GREM2: variants seen among roughly 807,000 people sequenced by gnomAD.
GREM2 encodes the protein gremlin 2, DAN family BMP antagonist.
A neutral mutation model predicts 14.2 loss-of-function variants in GREM2; 11 were observed. The observed-to-expected ratio is 0.78, with a 90% confidence interval of 0.49 to 1.28. GREM2 has a LOEUF of 1.28. Ranked by LOEUF, GREM2 falls within the 50% of genes most tolerant of loss-of-function variation. GREM2 has a pLI of 0.00. For synonymous variants in GREM2, 98 were observed against 97.6 expected (o/e 1.00, Z -0.02); for missense variants, 210 against 218.5 (o/e 0.96, Z 0.24).
chr1:240,509,046 T>C (rs1293561924), intron 1 of GREM2, among the ~76,000 whole-genome samples: 1 of 152,244 alleles, frequency 6.6e-6, no homozygotes, highest in East Asian at 1.9e-4. Flanking sequence ...GAAATTTAGA[T>C]CTAACATCTC....
chr1:240,561,523 A>C (rs959318500), intron 1 of GREM2, among the ~76,000 whole-genome samples: 2 of 152,222 alleles, frequency 1.3e-5, no homozygotes, highest in Non-Finnish European at 2.9e-5. Flanking sequence ...TTTTGGTTCC[A>C]TAAATAAGCT....
intron 1 of GREM2, among the ~76,000 whole-genome samples, chr1:240,521,439 G>T (rs74704767): frequency 2.2e-4 from 33 of 149,728 alleles, no homozygotes; most frequent in East Asian, 3.9e-4. Flanking sequence ...GGCATGGTGA[G>T]GGGCGACTGT....
intron 1 of GREM2, among the ~76,000 whole-genome samples, chr1:240,608,749 C>T (rs1203190753): frequency 6.6e-6 from 1 of 152,116 alleles, no homozygotes; most frequent in Non-Finnish European, 1.5e-5. Flanking sequence ...TTCTGGAGGC[C>T]AAAATAGAAA....
chr1:240,494,824 C>T (rs1053803186), intron 1 of GREM2, among the ~76,000 whole-genome samples: 4 of 152,072 alleles, frequency 2.6e-5, no homozygotes, highest in African/African-American at 9.7e-5. Context: ...TGGCGTGAAC[C>T]CGGGAGGCGG....
intron 1 of GREM2, among the ~76,000 whole-genome samples, chr1:240,496,577 G>A (rs1391072711): frequency 6.6e-6 from 1 of 152,208 alleles, no homozygotes; most frequent in Non-Finnish European, 1.5e-5. Flanking sequence ...TAACGAGATA[G>A]TATTTCATAA....
intron 1 of GREM2, among the ~76,000 whole-genome samples, chr1:240,584,388 G>A (rs1187867383): frequency 1.3e-5 from 2 of 151,740 alleles, no homozygotes; most frequent in Admixed American, 6.6e-5. Flanking sequence ...CCAGCTACAG[G>A]GGAGGCTGAG....
intron 1 of GREM2, among the ~76,000 whole-genome samples, chr1:240,526,971 ACCAG>A (rs1678238981): frequency 6.6e-6 from 1 of 152,218 alleles, no homozygotes; most frequent in African/African-American, 2.4e-5. Context: ...CTGATGTTCT[ACCAG>A]CTAAGCAATA....
chr1:240,505,258 C>T (rs1292811075), intron 1 of GREM2, among the ~76,000 whole-genome samples: 2 of 152,182 alleles, frequency 1.3e-5, no homozygotes, highest in Non-Finnish European at 2.9e-5. Flanking sequence ...GCCTGCAGAA[C>T]TGTGACCCAA....
At chr1:240,584,616 A>G (rs1679555722) in intron 1 of GREM2, among the ~76,000 whole-genome samples, 1 of 152,072 alleles carries the variant, frequency 6.6e-6, no homozygotes, top group Non-Finnish European at 1.5e-5. Context: ...AGGCTGGAGA[A>G]GGAGGATTGC....
In GREM2 at chr1:240,491,422, A is replaced by G. The variant is rs1031665045; in HGVS notation, c.*1547T>C. 2.0e-5 allele frequency: 3 copies of G among 152,652 alleles called. No homozygotes were observed. The highest frequency in any genetic ancestry group is 7.2e-5 in the African/African-American group (3 of 41,468). The allele number at this position is 152,652 out of a possible 1,614,324, so 9.5% of individuals were successfully genotyped here. A position where few individuals can be genotyped will look rare whatever the true frequency, so the allele number is the denominator to read the frequency against. ...GATTCCATAAGCATTACTCACAGGG[A>G]AGCCTTCCTGGGGCAACTGAGCAAA... On this transcript the variant is annotated 3_prime_UTR_variant, in exon 2 of 2. Transcript: ENST00000318160.
chr1:240,550,893 C>G (rs1678836257), intron 1 of GREM2, among the ~76,000 whole-genome samples: 1 of 152,116 alleles, frequency 6.6e-6, no homozygotes, highest in Non-Finnish European at 1.5e-5. Flanking sequence ...TTAAAATACA[C>G]CCTTCGTTAT....
intron 1 of GREM2, among the ~76,000 whole-genome samples, chr1:240,510,825 A>G (rs1344348892): frequency 6.6e-6 from 1 of 152,230 alleles, no homozygotes; most frequent in African/African-American, 2.4e-5. Flanking sequence ...CAAAAAAGAG[A>G]CGTCTGCATT....
intron 1 of GREM2, among the ~76,000 whole-genome samples, chr1:240,568,581 T>C (rs1558166157): frequency 6.6e-6 from 1 of 152,248 alleles, no homozygotes; most frequent in East Asian, 1.9e-4. Flanking sequence ...ATAATAAGTA[T>C]ACTCTGAATA....
intron 1 of GREM2, among the ~76,000 whole-genome samples, chr1:240,608,778 G>A (rs114109969): frequency 0.01 from 1,580 of 152,296 alleles, 33 homozygotes; most frequent in African/African-American, 0.036. Context: ...TCTGGATGGT[G>A]TGCCTTTACT....
intron 1 of GREM2, among the ~76,000 whole-genome samples, chr1:240,502,017 C>G (rs969155744): frequency 6.6e-6 from 1 of 151,968 alleles, no homozygotes; most frequent in Non-Finnish European, 1.5e-5. Flanking sequence ...CTGCCCGAAA[C>G]ACCAATCATG....
intron 1 of GREM2, among the ~76,000 whole-genome samples, chr1:240,600,595 T>C (rs1276408554): frequency 2.0e-5 from 3 of 152,174 alleles, no homozygotes; most frequent in Non-Finnish European, 4.4e-5. Context: ...GCAATTCTCC[T>C]ACCTCAGCCT....
At chr1:240,563,877 C>A (rs756235187) in intron 1 of GREM2, among the ~76,000 whole-genome samples, 4 of 152,134 alleles carry the variant, frequency 2.6e-5, no homozygotes, top group Non-Finnish European at 5.9e-5. Context: ...GTATTAAAGG[C>A]AAGATCCCCA....
chr1:240,583,436 T>C (rs16840415), intron 1 of GREM2, among the ~76,000 whole-genome samples: 2 of 152,154 alleles, frequency 1.3e-5, no homozygotes, highest in Non-Finnish European at 2.9e-5. Flanking sequence ...TAGCACCAAA[T>C]GTACACGATG....
intron 1 of GREM2, among the ~76,000 whole-genome samples, chr1:240,534,143 A>G (rs1304246137): frequency 6.6e-6 from 1 of 152,230 alleles, no homozygotes; most frequent in Non-Finnish European, 1.5e-5. Context: ...AAGATCTTGA[A>G]GAAAGTGCAG....
Sources: allele counts gnomAD v4.1 joint callset (sites outside exome capture counted in the v4.1 genomes callset), GRCh38; gene constraint gnomAD v4.1.1; transcripts MANE v1.5; gene names NCBI Gene and HGNC (gene_info 2026-07-23, HGNC 2026-07-21).